Variants in AGL observed in about 807,000 individuals in gnomAD.
AGL encodes glycogen debranching enzyme.
A neutral mutation model predicts 199.3 loss-of-function variants in AGL; 128 were observed. That is an observed-to-expected ratio of 0.64 (90% CI 0.56 to 0.74). AGL has a LOEUF of 0.74. AGL is among the 30% of genes least tolerant of loss of function. The pLI, the probability that AGL is intolerant of heterozygous loss-of-function variation, is 0.00. For synonymous variants in AGL, 584 were observed against 594.7 expected (o/e 0.98, Z 0.26); for missense variants, 1,809 against 1,820.8 (o/e 0.99, Z 0.12).
chr1:99,870,924 A>C, intron 7 of AGL, 55 bp downstream of exon 7: 1 of 1,092,082 alleles, frequency 9.2e-7, no homozygotes, highest in Non-Finnish European at 1.4e-6. Context: ...TAATATTATA[A>C]AGGGAAAACT....
chr1:99,883,508 G>A (rs1196324752), intron 17 of AGL, among the ~76,000 whole-genome samples: 1 of 152,154 alleles, frequency 6.6e-6, no homozygotes, highest in Non-Finnish European at 1.5e-5. Context: ...TAAATGTGCT[G>A]TAGCTGATGC....
intron 27 of AGL, among the ~76,000 whole-genome samples, chr1:99,910,032 T>A (rs1044208063): frequency 1.3e-5 from 2 of 152,216 alleles, no homozygotes; most frequent in Admixed American, 6.5e-5. Context: ...ACAAAAAAGT[T>A]ATCTTACTAT....
In AGL at chr1:99,876,558, G is replaced by C. The variant is rs745384060; in HGVS notation, c.1384G>C (p.Val462Leu). 6.2e-7 allele frequency: 1 copy of C among 1,614,022 alleles called. No homozygotes were observed. The highest frequency in any genetic ancestry group is 1.7e-5 in the Admixed American group (1 of 60,012). ...TTTTCTGATGGCACACAATGGATGGGTAATGGGAGATGATCCTCTTCGAAA... is the reference window on the plus strand; with the variant it reads ...TTTTCTGATGGCACACAATGGATGGCTAATGGGAGATGATCCTCTTCGAAA... Reference protein sequence around the residue: ...ACFLMAHNGWVMGDDPLRNFA... With the variant: ...ACFLMAHNGWLMGDDPLRNFA... The change falls in exon 11 of 34, where the codon GTA (valine) becomes CTA (leucine). Residue 462 changes from valine to leucine, a missense_variant. Physicochemically the swap from Val to Leu is conservative, Grantham distance 32. Coordinates refer to ENST00000361915, the MANE Select transcript of AGL (RefSeq NM_000642.3).
Position 99,850,399 on chromosome 1 carries a change from C to G in AGL, c.-85C>G, listed in dbSNP as rs1370378519. On this transcript the variant is annotated 5_prime_UTR_variant, in exon 1 of 34. Coordinates refer to ENST00000361915, the MANE Select transcript of AGL (RefSeq NM_000642.3). ...GTCCTGCAGTGCCCCAGAAGCCGCA[C>G]GTATAACTCCCTCGGCGTAAGTGCT... The G allele has an allele frequency of 6.5e-6, 1 of 152,802 alleles. No homozygotes were observed. The highest frequency in any genetic ancestry group is 1.5e-5 in the Non-Finnish European group (1 of 68,500). 9.5% of individuals were successfully genotyped at this position (152,802 alleles called of 1,614,324 possible). A position where few individuals can be genotyped will look rare whatever the true frequency, so the allele number is the denominator to read the frequency against.
Position 99,916,641 on chromosome 1 carries a change from A to C in AGL, c.4391A>C (p.Tyr1464Ser). 2 of 1,613,120 alleles carry C rather than the reference A, an allele frequency of 1.2e-6. No homozygotes were observed. The highest frequency in any genetic ancestry group is 1.7e-6 in the Non-Finnish European group (2 of 1,179,534). The change falls in exon 33 of 34, where the codon TAT becomes TCT. Residue 1464 changes from tyrosine (Y) to serine (S), a missense_variant. Physicochemically the swap from Tyr to Ser is moderately radical, Grantham distance 144. Coordinates refer to ENST00000361915, the MANE Select transcript of AGL (RefSeq NM_000642.3). ...GGGTATTTTCTTCGTGCAAAATTAT[A>C]TTTTTCCAGATTGATGGGCCCGGAG... The part of the protein sequence containing the change: ...PIGYFLRAKL[Y>S]FSRLMGPETT...
intron 20 of AGL, among the ~76,000 whole-genome samples, chr1:99,886,678 A>G (rs1652478885): frequency 6.6e-6 from 1 of 152,044 alleles, no homozygotes; most frequent in African/African-American, 2.4e-5. Flanking sequence ...AAGCTAAATT[A>G]TTTTGTTCAT....
rs1347985902 is a variant in AGL at position 99,921,736 on chromosome 1, AGTT to A, written c.*89_*91del. ...TAAATGCCTTATATGCACAGGCTCA[AGTT>A]GTTTTAAAAATCTCATTTATTATAA... On this transcript the variant is annotated 3_prime_UTR_variant, in exon 34 of 34. Coordinates refer to ENST00000361915, the MANE Select transcript of AGL (RefSeq NM_000642.3). 1.1e-6 allele frequency: 1 copy of A among 885,558 alleles called. No individual in the cohort carries two copies. The highest frequency in any genetic ancestry group is 1.8e-6 in the Non-Finnish European group (1 of 564,168). The allele number at this position is 885,558 out of a possible 1,614,324, so 54.9% of individuals were successfully genotyped here. A position where few individuals can be genotyped will look rare whatever the true frequency, so the allele number is the denominator to read the frequency against.
chr1:99,862,407 G>C lies in AGL; in HGVS notation c.444G>C (p.Arg148Ser). Residue 148 changes from arginine to serine, a missense_variant, in exon 4 of 34, where the codon AGG becomes AGC. Physicochemically the swap from Arg to Ser is moderately radical, Grantham distance 110. Transcript: ENST00000361915. ...TTGATGAATGGGAAAGCAGACTTAG[G>C]GTTGCAAAAGAATCAGGTAATGTCA... is the stretch of plus-strand genomic sequence containing the variant. ...GPFDEWESRL[R>S]VAKESGYNMI... 6.2e-7 allele frequency: 1 copy of C among 1,613,902 alleles called. No homozygotes were observed. The highest frequency in any genetic ancestry group is 8.5e-7 in the Non-Finnish European group (1 of 1,179,950).
chr1:99,854,632 C>T (rs531231361), intron 2 of AGL, among the ~76,000 whole-genome samples: 3 of 151,850 alleles, frequency 2.0e-5, no homozygotes, highest in Non-Finnish European at 2.9e-5. Flanking sequence ...GGCCTGGTGG[C>T]GGGCGCCTCT....
chr1:99,870,631 G>T (rs1650912353), intron 6 of AGL, 50 bp downstream of exon 6: 1 of 1,591,314 alleles, frequency 6.3e-7, no homozygotes, highest in Admixed American at 1.7e-5. Flanking sequence ...AATTTCTAAA[G>T]CACACATTAA....
Position 99,851,113 on chromosome 1 carries a change from G to C in AGL, c.71G>C (p.Arg24Thr), listed in dbSNP as rs772905291. Reference protein sequence around the residue: ...EMEKLEKTLFRLEQGYELQFR... With the variant: ...EMEKLEKTLFTLEQGYELQFR... ...GAGAAACTGGAAAAGACCCTCTTCA[G>C]ACTTGAACAAGGTCAGTAGCAAGTT... The change falls in exon 2 of 34, where the codon AGA becomes ACA. Residue 24 changes from arginine (R) to threonine (T), a missense_variant. Physicochemically the swap from Arg to Thr is moderately conservative, Grantham distance 71. Coordinates refer to ENST00000361915, the MANE Select transcript of AGL (RefSeq NM_000642.3). 6.2e-7 allele frequency: 1 copy of C among 1,613,934 alleles called. No individual in the cohort carries two copies. Among genetic ancestry groups the C allele is most frequent in the Non-Finnish European group, 8.5e-7 (1 of 1,179,842 alleles).
At chr1:99,874,880 A>G (rs945718454) in intron 8 of AGL, 70 bp downstream of exon 8, 1 of 1,532,496 alleles carries the variant, frequency 6.5e-7, no homozygotes, top group Admixed American at 1.7e-5. Flanking sequence ...TATGATTTTC[A>G]TACTACTTAT....
intron 20 of AGL, 99 bp from the exon 21 acceptor site, chr1:99,887,879 T>G: frequency 7.3e-7 from 1 of 1,376,790 alleles, no homozygotes; most frequent in Non-Finnish European, 1.0e-6. Context: ...CATACACTGC[T>G]AAGACATTTT....
At chr1:99,862,941 T>TA (rs11291815) in intron 4 of AGL, among the ~76,000 whole-genome samples, 2 of 151,132 alleles carry the variant, frequency 1.3e-5, no homozygotes, top group African/African-American at 2.4e-5. Context: ...AGAACCATAT[T>TA]AAAAAAAAAT....
At position 99,888,020 on chromosome 1, in the gene AGL, T is replaced by C; in HGVS notation, c.2724T>C (p.Leu908=). The C allele has an allele frequency of 6.2e-7, 1 of 1,613,544 alleles. No homozygotes were observed. The highest frequency in any genetic ancestry group is 8.5e-7 in the Non-Finnish European group (1 of 1,179,656). Residue 908 remains leucine (L), a synonymous_variant, in exon 21 of 34, where the codon CTT becomes CTC. Coordinates refer to ENST00000361915, the MANE Select transcript of AGL (RefSeq NM_000642.3). ...RLTLAELNQI[L]YRCESEEKED... is the part of the protein sequence containing the mutation. ...CTTTGGCTGAGCTAAATCAGATCCT[T>C]TACCGATGTGAATCAGAAGAAAAGG...
chr1:99,906,292 G>A (rs1654286878), intron 27 of AGL, among the ~76,000 whole-genome samples: 2 of 152,126 alleles, frequency 1.3e-5, no homozygotes, highest in Admixed American at 1.3e-4. Flanking sequence ...CAATACATAA[G>A]AGTTGTACAT....
Position 99,912,356 on chromosome 1 carries a change from A to C in AGL, c.3837-49A>C. 1.4e-6 allele frequency: 2 copies of C among 1,408,900 alleles called. 1 individual carries two copies. Among genetic ancestry groups the C allele is most frequent in the South Asian group, 2.3e-5 (2 of 86,148 alleles). 87.3% of individuals were successfully genotyped at this position (1,408,900 alleles called of 1,614,324 possible). ...GTTTACCGAATGCCCTTTAAATAGT[A>C]CTTAAAGGACGCCAACTTAAAGAAT... is the stretch of plus-strand genomic sequence containing the variant. On this transcript the variant is annotated intron_variant, in intron 28 of 33. Coordinates refer to ENST00000361915, the MANE Select transcript of AGL (RefSeq NM_000642.3).
chr1:99,855,578 T>C (rs567451754), intron 2 of AGL, among the ~76,000 whole-genome samples: 2 of 152,158 alleles, frequency 1.3e-5, no homozygotes, highest in African/African-American at 4.8e-5. Context: ...AGGCGGGTAG[T>C]TGACCTGAGA....
Position 99,922,015 on chromosome 1 carries a change from T to C in AGL, c.*364T>C, listed in dbSNP as rs1236093970. On this transcript the variant is annotated 3_prime_UTR_variant, in exon 34 of 34. Coordinates refer to ENST00000361915, the MANE Select transcript of AGL (RefSeq NM_000642.3). ...AAAGATAGCTTTTAATTGTGGTATA[T>C]ATAATCTTCAGTAACAATACATACT... 1.1e-5 allele frequency: 2 copies of C among 181,834 alleles called. No homozygotes were observed. Among genetic ancestry groups the C allele is most frequent in the Admixed American group, 5.6e-5 (1 of 17,876 alleles). 11.3% of individuals were successfully genotyped at this position (181,834 alleles called of 1,614,324 possible). A position where few individuals can be genotyped will look rare whatever the true frequency, so the allele number is the denominator to read the frequency against.
Sources: allele counts gnomAD v4.1 joint callset (sites outside exome capture counted in the v4.1 genomes callset), GRCh38; gene constraint gnomAD v4.1.1; transcripts MANE v1.5; gene names NCBI Gene and HGNC (gene_info 2026-07-23, HGNC 2026-07-21).